The following DAZL variants were observed in gnomAD, a reference collection of about 807,000 sequenced individuals.
DAZL encodes deleted in azoospermia-like.
A neutral mutation model predicts 45.0 loss-of-function variants in DAZL; 4 were observed. That is an observed-to-expected ratio of 0.09 (90% CI 0.04 to 0.20). The LOEUF is 0.20. Ranked by LOEUF, DAZL falls within the 10% of genes least tolerant of loss-of-function variation. The pLI, the probability that DAZL is intolerant of heterozygous loss-of-function variation, is 1.00. For missense variants in DAZL, 326 were observed against 351.3 expected, an observed-to-expected ratio of 0.93 and a Z score of 0.58; for synonymous variants, 122 against 112.4, an observed-to-expected ratio of 1.09 and a Z score of -0.54.
chr3:16,599,433 G>A (rs946141575), intron 1 of DAZL, among the ~76,000 whole-genome samples: 1 of 152,124 alleles, frequency 6.6e-6, no homozygotes, highest in African/African-American at 2.4e-5. Context: ...CGCTGTGTTA[G>A]TATGCCTGCT....
Position 16,598,614 on chromosome 3 carries a change from T to C in DAZL, c.4-16A>G, listed in dbSNP as rs764995651. The C allele has an allele frequency of 9.2e-5, 146 of 1,589,060 alleles. No individual in the cohort carries two copies. The highest frequency in any genetic ancestry group is 4.7e-4 in the Admixed American group (28 of 59,738). ...TTGCAGTAGACTGTAATTTGGAAAG[T>C]AGACATCATAATTAGATACACAGGA... On this transcript the variant is annotated splice_polypyrimidine_tract_variant and intron_variant, in intron 1 of 10. Transcript: ENST00000399444.
At chr3:16,593,988 TAGA>T (rs1404984059) in intron 8 of DAZL, among the ~76,000 whole-genome samples, 1 of 152,214 alleles carries the variant, frequency 6.6e-6, no homozygotes, top group Non-Finnish European at 1.5e-5. Context: ...TAATCAGAAG[TAGA>T]AGAACTCTAA....
chr3:16,604,538 C>T, intron 1 of DAZL: 1 of 1,465,826 alleles, frequency 6.8e-7, no homozygotes, highest in South Asian at 1.4e-5. Context: ...CGCGAGGGGA[C>T]CAGAGGCACT....
chr3:16,596,690 T>A (rs1694604972), intron 6 of DAZL, 60 bp downstream of exon 6: 1 of 1,577,628 alleles, frequency 6.3e-7, no homozygotes, highest in Non-Finnish European at 8.7e-7. Flanking sequence ...TGGATGTAAT[T>A]CCACAGAAGG....
At chr3:16,597,109 T>C (rs988353316) in intron 4 of DAZL, 58 bp from the exon 5 acceptor site, 1 of 1,523,430 alleles carries the variant, frequency 6.6e-7, no homozygotes, top group Non-Finnish European at 9.1e-7. Context: ...CTTCCAAGAC[T>C]TGGATGAACA....
intron 6 of DAZL, among the ~76,000 whole-genome samples, chr3:16,596,186 TAAG>T (rs1694597321): frequency 6.6e-6 from 1 of 152,032 alleles, no homozygotes; most frequent in Admixed American, 6.6e-5. Context: ...TAAAATGAAC[TAAG>T]AAGAAAATGT....
At chr3:16,604,556 C>T in intron 1 of DAZL, 2 of 1,440,046 alleles carry the variant, frequency 1.4e-6, no homozygotes, top group Non-Finnish European at 9.1e-7. Flanking sequence ...ACTTCCGGCC[C>T]AGCCCCCTCA....
intron 10 of DAZL, among the ~76,000 whole-genome samples, chr3:16,590,834 A>G (rs144824622): frequency 1.2e-3 from 175 of 151,718 alleles, no homozygotes; most frequent in African/African-American, 4.2e-3. Flanking sequence ...AAGTAAGTAA[A>G]TTAGTGGTTG....
chr3:16,590,457 A>G (rs1455923182), intron 10 of DAZL, among the ~76,000 whole-genome samples: 1 of 152,212 alleles, frequency 6.6e-6, no homozygotes, highest in Admixed American at 6.5e-5. Flanking sequence ...TTTGAATGTA[A>G]AGTGTGTAGC....
chr3:16,589,704 A>G (rs993384923), intron 10 of DAZL, among the ~76,000 whole-genome samples: 6 of 152,134 alleles, frequency 3.9e-5, no homozygotes, highest in Non-Finnish European at 7.4e-5. Context: ...CTCCCAAACA[A>G]GCAGAAAACT....
chr3:16,589,042 G>A (rs981901892), intron 10 of DAZL, among the ~76,000 whole-genome samples: 2 of 151,950 alleles, frequency 1.3e-5, no homozygotes, highest in African/African-American at 4.8e-5. Flanking sequence ...AAAGACAGCT[G>A]GTAGAAAATG....
rs535744418 is a variant in DAZL, at chr3:16,604,869, G to A, written c.3+334C>T. 6.7e-5 allele frequency: 48 copies of A among 712,270 alleles called. No homozygotes were observed. The South Asian group carries it at 8.8e-4, about 13-fold the overall frequency. 44.1% of individuals were successfully genotyped at this position (712,270 alleles called of 1,614,324 possible). ...TGGGGCAGTCGGGGGTGGGGAACCCGCACCCCAAACCTCTGCCAGTAGAGA... is the reference window on the plus strand; with the variant it reads ...TGGGGCAGTCGGGGGTGGGGAACCCACACCCCAAACCTCTGCCAGTAGAGA... On this transcript the variant is annotated intron_variant, in intron 1 of 10. Coordinates refer to ENST00000399444, the MANE Select transcript of DAZL (RefSeq NM_001351.4).
intron 1 of DAZL, among the ~76,000 whole-genome samples, chr3:16,599,370 T>G (rs972869142): frequency 1.3e-5 from 2 of 152,144 alleles, no homozygotes; most frequent in Non-Finnish European, 2.9e-5. Context: ...TTAAACCAAT[T>G]TGTCCTGCTT....
At chr3:16,596,949 CTTTT>C in intron 5 of DAZL, 35 bp downstream of exon 5, 4 of 1,612,942 alleles carry the variant, frequency 2.5e-6, no homozygotes, top group Non-Finnish European at 3.4e-6. Flanking sequence ...TACACAATTT[CTTTT>C]ATGTTTAAAA....
chr3:16,598,006 G>C, intron 3 of DAZL, 81 bp downstream of exon 3: 1 of 1,301,334 alleles, frequency 7.7e-7, no homozygotes, highest in South Asian at 1.2e-5. Flanking sequence ...TTTATGTTAA[G>C]TGTCAGAATA....
chr3:16,604,326 A>G (rs1694739843), intron 1 of DAZL: 2 of 969,316 alleles, frequency 2.1e-6, no homozygotes, highest in Non-Finnish European at 3.1e-6. Context: ...CGCACACCCA[A>G]CGCTATCTAC....
rs1363550245 is a variant in DAZL at position 16,598,137 on chromosome 3, A to G, written c.192T>C (p.Gly64=). Residue 64 remains glycine (G), a synonymous_variant, in exon 3 of 11, where the codon GGT becomes GGC. Transcript: ENST00000399444. ...TEIRSFFARY[G]SVKEVKIITD... Reference sequence around the variant, plus strand: ...TGATTATCTTCACTTCTTTCACTGAACCATATCTAGCAAAGAAGCTTCTAA... The same window carrying G: ...TGATTATCTTCACTTCTTTCACTGAGCCATATCTAGCAAAGAAGCTTCTAA... 1 of 1,600,972 alleles carries G rather than the reference A, an allele frequency of 6.2e-7. No homozygotes were observed. The highest frequency in any genetic ancestry group is 1.7e-5 in the Admixed American group (1 of 59,658).
intron 9 of DAZL, 60 bp from the exon 10 acceptor site, chr3:16,592,208 G>T: frequency 4.5e-6 from 7 of 1,572,622 alleles, no homozygotes; most frequent in Non-Finnish European, 5.2e-6. Flanking sequence ...CTTAGTAAGG[G>T]TTTTTTTTTG....
chr3:16,590,258 T>C (rs1434012280), intron 10 of DAZL, among the ~76,000 whole-genome samples: 1 of 149,746 alleles, frequency 6.7e-6, no homozygotes, highest in African/African-American at 2.4e-5. Context: ...ACTTTAAGTA[T>C]GTTTACTCCC....
Sources: allele counts gnomAD v4.1 joint callset (sites outside exome capture counted in the v4.1 genomes callset), GRCh38; gene constraint gnomAD v4.1.1; transcripts MANE v1.5; gene names NCBI Gene and HGNC (gene_info 2026-07-23, HGNC 2026-07-21).